Variants in CDH7 observed in about 807,000 individuals in gnomAD.
The protein encoded by CDH7 is cadherin 7, also known as cadherin-7.
A neutral mutation model predicts 71.8 loss-of-function variants in CDH7; 25 were observed. That is an observed-to-expected ratio of 0.35 (90% CI 0.25 to 0.49). CDH7 has a LOEUF of 0.49. CDH7 is among the 20% of genes least tolerant of loss of function. The pLI, the probability that CDH7 is intolerant of heterozygous loss-of-function variation, is 0.99. For synonymous variants in CDH7, 381 were observed against 363.8 expected (o/e 1.05, Z -0.54); for missense variants, 862 against 974.6 (o/e 0.88, Z 1.54).
chr18:65,785,082 T>C (rs73963792), intron 2 of CDH7, among the ~76,000 whole-genome samples: 2,126 of 152,276 alleles, frequency 0.014, 50 homozygotes, highest in African/African-American at 0.048. Context: ...ACTAGAAGTT[T>C]GGTTAACTTA....
chr18:65,844,824 G>T lies in CDH7; in HGVS notation c.1235+759G>T, dbSNP rs971026180. Among the ~76,000 whole-genome samples the T allele has an allele frequency of 2.0e-5, 3 of 151,890 alleles. No homozygotes were observed. In the South Asian group the frequency reaches 6.2e-4, roughly 32 times the overall value. The stretch of plus-strand genomic sequence containing the variant: ...ATATACTTGAAATAAAATGTCTGTT[G>T]TATTATATGTCTTATTTGGGTTTGT... On this transcript the variant is annotated intron_variant, in intron 7 of 11. Coordinates refer to ENST00000397968, the MANE Select transcript of CDH7 (RefSeq NM_004361.5).
intron 11 of CDH7, among the ~76,000 whole-genome samples, chr18:65,872,936 A>T (rs181753388): frequency 1.2e-3 from 189 of 151,926 alleles, no homozygotes; most frequent in African/African-American, 3.4e-3. Flanking sequence ...ATAAAAATTT[A>T]AAAAAATTTA....
intron 11 of CDH7, among the ~76,000 whole-genome samples, chr18:65,878,465 G>A (rs774645168): frequency 6.6e-6 from 1 of 152,156 alleles, no homozygotes; most frequent in Non-Finnish European, 1.5e-5. Context: ...CACCAAAGCT[G>A]CAGCTGCTGT....
At chr18:65,874,217 G>T (rs1406127102) in intron 11 of CDH7, among the ~76,000 whole-genome samples, 1 of 152,122 alleles carries the variant, frequency 6.6e-6, no homozygotes, top group African/African-American at 2.4e-5. Context: ...TTAAACTTAA[G>T]AAAGTGATAT....
Position 65,886,999 on chromosome 18 carries a change from A to G in CDH7, c.*6105A>G, listed in dbSNP as rs1914388884. 6.6e-6 allele frequency: 1 copy of G among 152,154 alleles called. No homozygotes were observed. Among genetic ancestry groups the G allele is most frequent in the Non-Finnish European group, 1.5e-5 (1 of 68,006 alleles). 9.4% of individuals were successfully genotyped at this position (152,154 alleles called of 1,614,324 possible). ...TTATTTTATGCTCATGTGAACAGAC[A>G]CTAGAAACAAATATATTAATAACTA... On this transcript the variant is annotated 3_prime_UTR_variant, in exon 12 of 12. Coordinates refer to ENST00000397968, the MANE Select transcript of CDH7 (RefSeq NM_004361.5).
chr18:65,860,855 A>T (rs775406467), intron 10 of CDH7, among the ~76,000 whole-genome samples: 9 of 152,170 alleles, frequency 5.9e-5, no homozygotes, highest in African/African-American at 9.7e-5. Context: ...TCTGAAAATG[A>T]TAATTTTTCC....
chr18:65,828,664 C>T (rs995989229), intron 6 of CDH7, among the ~76,000 whole-genome samples: 6 of 151,844 alleles, frequency 4.0e-5, no homozygotes, highest in Admixed American at 1.3e-4. Context: ...TTGGCTGTGT[C>T]GGTGGTGGTT....
chr18:65,824,041 T>G (rs1191104515), intron 5 of CDH7, among the ~76,000 whole-genome samples: 2 of 151,158 alleles, frequency 1.3e-5, no homozygotes, highest in African/African-American at 4.8e-5. Context: ...TTCACTTTTT[T>G]TTTTTTCAGT....
intron 4 of CDH7, among the ~76,000 whole-genome samples, chr18:65,818,406 A>T (rs991758852): frequency 2.0e-5 from 3 of 152,304 alleles, no homozygotes; most frequent in African/African-American, 7.2e-5. Context: ...GATCATTGTT[A>T]TCCAGTCAGA....
At position 65,811,966 on chromosome 18, in the gene CDH7, C is replaced by CTTTTT. The variant is rs57594274; in HGVS notation, c.505+1983_505+1987dup. On this transcript the variant is annotated intron_variant, in intron 3 of 11. Transcript: ENST00000397968. ...ATCACAGTACCTTTTCTTTTCTTTT[C>CTTTTT]TTTTTTTTTTTTTTTTTTTGCGAGA... Among the ~76,000 whole-genome samples, 552 of 95,844 alleles carry CTTTTT rather than the reference C, an allele frequency of 5.8e-3. 15 individuals are homozygous for CTTTTT. The highest frequency in any genetic ancestry group is 0.012 in the African/African-American group (302 of 24,662). 62.9% of individuals were successfully genotyped at this position (95,844 alleles called of 152,430 possible). A position where few individuals can be genotyped will look rare whatever the true frequency, so the allele number is the denominator to read the frequency against.
Position 65,824,790 on chromosome 18 carries a change from G to T in CDH7, c.940G>T (p.Val314Phe). Reference protein sequence around the residue: ...GDGLGIFKISVDKETQEGIIT... With the variant: ...GDGLGIFKISFDKETQEGIIT... The stretch of plus-strand genomic sequence containing the variant: ...TGGTTTGGGCATTTTTAAGATTTCT[G>T]TTGACAAAGAAACCCAGGAAGGAAT... The change falls in exon 6 of 12, where the codon GTT becomes TTT. Residue 314 changes from valine (V) to phenylalanine (F), a missense_variant. Val to Phe is a conservative substitution (Grantham distance 50). Coordinates refer to ENST00000397968, the MANE Select transcript of CDH7 (RefSeq NM_004361.5). The T allele has an allele frequency of 6.2e-7, 1 of 1,612,144 alleles. No homozygotes were observed. Among genetic ancestry groups the T allele is most frequent in the Non-Finnish European group, 8.5e-7 (1 of 1,178,590 alleles).
At chr18:65,781,934 C>CTT (rs1910262255) in intron 2 of CDH7, among the ~76,000 whole-genome samples, 2 of 117,758 alleles carry the variant, frequency 1.7e-5, no homozygotes, top group Non-Finnish European at 3.3e-5. Context: ...CTCTCTCTCT[C>CTT]TCTCTCTCTC....
chr18:65,755,072 G>A (rs373024016), intron 1 of CDH7, among the ~76,000 whole-genome samples: 32 of 152,200 alleles, frequency 2.1e-4, no homozygotes, highest in East Asian at 1.9e-3. Context: ...ACTTATGGTC[G>A]TATAAAAATT....
chr18:65,873,274 G>A (rs914069087), intron 11 of CDH7, among the ~76,000 whole-genome samples: 3 of 152,120 alleles, frequency 2.0e-5, no homozygotes, highest in Non-Finnish European at 4.4e-5. Flanking sequence ...TGTTCAACAT[G>A]TCATTTGACA....
At position 65,862,741 on chromosome 18, in the gene CDH7, T is replaced by C. The variant is rs1398408717; in HGVS notation, c.1688T>C (p.Phe563Ser). The C allele has an allele frequency of 2.5e-6, 4 of 1,614,112 alleles. No homozygotes were observed. The highest frequency in any genetic ancestry group is 3.4e-6 in the Non-Finnish European group (4 of 1,179,994). ...QEQSVYYLPI[F>S]IVDSGSPSLS... Reference sequence around the variant, plus strand: ...CAATCAGTTTACTATCTGCCAATTTTCATTGTGGACAGTGGATCTCCCTCA... The same window carrying C: ...CAATCAGTTTACTATCTGCCAATTTCCATTGTGGACAGTGGATCTCCCTCA... The change falls in exon 11 of 12, where the codon TTC (phenylalanine) becomes TCC (serine). Residue 563 changes from phenylalanine to serine, a missense_variant. Coordinates refer to ENST00000397968, the MANE Select transcript of CDH7 (RefSeq NM_004361.5).
intron 2 of CDH7, among the ~76,000 whole-genome samples, chr18:65,770,765 T>C (rs950158896): frequency 2.0e-5 from 3 of 152,210 alleles, no homozygotes; most frequent in Admixed American, 6.5e-5. Flanking sequence ...ATTGAATAAT[T>C]ATCATTTTTT....
At chr18:65,845,271 A>T (rs1261913984) in intron 7 of CDH7, among the ~76,000 whole-genome samples, 1 of 151,970 alleles carries the variant, frequency 6.6e-6, no homozygotes, top group Admixed American at 6.6e-5. Context: ...AAAAATAGTT[A>T]TTTAAAAAGT....
At chr18:65,781,510 T>A (rs890015520) in intron 2 of CDH7, among the ~76,000 whole-genome samples, 2 of 152,162 alleles carry the variant, frequency 1.3e-5, no homozygotes, top group African/African-American at 2.4e-5. Flanking sequence ...GAATGTGGCT[T>A]TTTTGGTACA....
Position 65,824,751 on chromosome 18 carries a change from A to T in CDH7, c.901A>T (p.Ile301Phe). 3 of 1,612,676 alleles carry T rather than the reference A, an allele frequency of 1.9e-6. No homozygotes were observed. The highest frequency in any genetic ancestry group is 2.5e-6 in the Non-Finnish European group (3 of 1,178,934). Residue 301 changes from isoleucine (I) to phenylalanine (F), a missense_variant, in exon 6 of 12, where the codon ATT becomes TTT. Ile to Phe is a conservative substitution (Grantham distance 21). Transcript: ENST00000397968. ...IGANAEMEYK[I>F]VDGDGLGIFK... ...AGCTAATGCTGAAATGGAGTACAAG[A>T]TTGTGGATGGTGATGGTTTGGGCAT...
Sources: gnomAD v4.1 joint callset for allele counts (sites outside exome capture counted in the v4.1 genomes callset) on GRCh38, gnomAD v4.1.1 for gene constraint, MANE v1.5 for transcripts, NCBI Gene and HGNC (gene_info 2026-07-23, HGNC 2026-07-21) for gene names.